The following HIVEP1 variants were observed in gnomAD, a reference collection of about 807,000 sequenced individuals.
HIVEP1 encodes the protein zinc finger protein 40.
A neutral mutation model predicts 180.0 loss-of-function variants in HIVEP1; 36 were observed. The observed-to-expected ratio is 0.20, with a 90% CI of 0.15 to 0.26. The LOEUF (loss-of-function observed/expected upper bound fraction) is 0.26, where lower values mean the gene tolerates loss of function less well. HIVEP1 is among the 10% of genes least tolerant of loss of function. The probability of loss-of-function intolerance (pLI) is 1.00; values close to 1 mark genes in which losing one functional copy is unlikely to be tolerated. For synonymous variants in HIVEP1, 1,239 were observed against 1,239.0 expected (o/e 1.00, Z 0.00); for missense variants, 3,143 against 3,268.7 (o/e 0.96, Z 0.94).
At chr6:12,015,353 G>A (rs928452617) in intron 1 of HIVEP1, among the ~76,000 whole-genome samples, 173 bp from the exon 2 acceptor site, 2 of 152,056 alleles carry the variant, frequency 1.3e-5, no homozygotes, top group Non-Finnish European at 2.9e-5. Flanking sequence ...GAGAAGTCCC[G>A]ATACTGACAA....
At chr6:12,011,334 C>G (rs1767285002), upstream of HIVEP1, among the ~76,000 whole-genome samples, 1 of 144,520 alleles carries the variant, frequency 6.9e-6, no homozygotes, top group African/African-American at 2.6e-5. Flanking sequence ...CCGGGAGACC[C>G]CATGACGTCA....
intron 2 of HIVEP1, among the ~76,000 whole-genome samples, chr6:12,055,054 G>C (rs191409630): frequency 2.0e-5 from 3 of 152,138 alleles, no homozygotes; most frequent in African/African-American, 7.2e-5. Flanking sequence ...CTGCCTAGTG[G>C]GAAAGTATAA....
At chr6:12,067,142 A>T (rs1294345783) in intron 2 of HIVEP1, among the ~76,000 whole-genome samples, 3 of 152,084 alleles carry the variant, frequency 2.0e-5, no homozygotes, top group Non-Finnish European at 4.4e-5. Flanking sequence ...AGTGTTAGGG[A>T]TAGGGTTAGG....
At chr6:12,167,637 A>AACATG (rs1760746073), downstream of HIVEP1, among the ~76,000 whole-genome samples, 3 of 15,848 alleles carry the variant, frequency 1.9e-4, no homozygotes, top group African/African-American at 3.0e-4. Flanking sequence ...CATGTTATAT[A>AACATG]TACATATACA....
At chr6:12,176,427 T>G in the HIVEP1 span, among the ~76,000 whole-genome samples, 1 of 152,042 alleles carries the variant, frequency 6.6e-6, no homozygotes, top group Non-Finnish European at 1.5e-5. Context: ...AGATGGAGTT[T>G]CACCATGTTG....
intron 7 of HIVEP1, among the ~76,000 whole-genome samples, chr6:12,143,324 A>G (rs900568204): frequency 6.6e-6 from 1 of 152,250 alleles, no homozygotes; most frequent in African/African-American, 2.4e-5. Context: ...GGCTTTCAAC[A>G]AAATTCAATA....
At chr6:12,145,035 A>T (rs944244003) in intron 7 of HIVEP1, among the ~76,000 whole-genome samples, 1 of 152,234 alleles carries the variant, frequency 6.6e-6, no homozygotes, top group Non-Finnish European at 1.5e-5. Context: ...TACCCAAAGG[A>T]TTATAAATCA....
At chr6:12,027,068 A>T (rs1410088444) in intron 2 of HIVEP1, among the ~76,000 whole-genome samples, 1 of 152,188 alleles carries the variant, frequency 6.6e-6, no homozygotes, top group African/African-American at 2.4e-5. Flanking sequence ...GGCTTCTTTC[A>T]TGCAACAGTG....
At chr6:12,020,488 G>A (rs1002545123) in intron 2 of HIVEP1, 7 of 469,812 alleles carry the variant, frequency 1.5e-5, no homozygotes, top group African/African-American at 1.2e-4. Context: ...TCTGTGGAGG[G>A]GTTATCTCCA....
intron 2 of HIVEP1, among the ~76,000 whole-genome samples, chr6:12,070,655 T>C (rs1400624869): frequency 6.6e-6 from 1 of 152,162 alleles, no homozygotes; most frequent in Admixed American, 6.5e-5. Flanking sequence ...ATTTAAAAAA[T>C]TTAGGATTCT....
chr6:12,107,247 C>G (rs1204113997), intron 3 of HIVEP1, among the ~76,000 whole-genome samples: 1 of 152,180 alleles, frequency 6.6e-6, no homozygotes, highest in Non-Finnish European at 1.5e-5. Flanking sequence ...TTACATTATA[C>G]TGTAATCCGT....
chr6:12,136,005 T>G (rs1758684326), intron 7 of HIVEP1, 113 bp downstream of exon 7: 1 of 596,424 alleles, frequency 1.7e-6, no homozygotes, highest in South Asian at 2.0e-5. Context: ...CATTACCTCT[T>G]ATTTATATGC....
chr6:12,211,026 C>T, the HIVEP1 span, among the ~76,000 whole-genome samples: 1 of 151,832 alleles, frequency 6.6e-6, no homozygotes, highest in African/African-American at 2.4e-5. Context: ...CTGAAGATTA[C>T]TAATGGAAAA....
intron 3 of HIVEP1, among the ~76,000 whole-genome samples, chr6:12,106,376 T>G (rs1202401007): frequency 6.6e-6 from 1 of 152,070 alleles, no homozygotes; most frequent in Non-Finnish European, 1.5e-5. Flanking sequence ...GGGGATGGTG[T>G]GTTTCTTTAT....
Position 12,097,080 on chromosome 6 carries a change from G to T in HIVEP1, c.94+7843G>T, listed in dbSNP as rs533239577. On this transcript the variant is annotated intron_variant, in intron 3 of 8. Coordinates refer to ENST00000379388, the MANE Select transcript of HIVEP1 (RefSeq NM_002114.4). ...TGGAATTCTGTATTTTAAATGGAAT[G>T]CAGTTTTATTATTTTAATATTATAT... Among the ~76,000 whole-genome samples the T allele has an allele frequency of 1.0e-3, 159 of 152,050 alleles. 2 individuals carry two copies. Among genetic ancestry groups the T allele is most frequent in the Non-Finnish European group, 1.9e-3 (131 of 67,894 alleles).
rs769284491 is a variant in HIVEP1 at position 12,122,830 on chromosome 6, A to T, written c.3035A>T (p.His1012Leu). The T allele has an allele frequency of 6.2e-7, 1 of 1,614,090 alleles. No homozygotes were observed. Among genetic ancestry groups the T allele is most frequent in the Non-Finnish European group, 8.5e-7 (1 of 1,180,012 alleles). Reference protein sequence around the residue: ...VPGGLQPQILHYRVAGSSGIW... With the variant: ...VPGGLQPQILLYRVAGSSGIW... Reference sequence around the variant, plus strand: ...GGCGGTCTGCAGCCTCAGATTCTACACTACAGAGTCGCTGGGTCCTCCGGC... The same window carrying T: ...GGCGGTCTGCAGCCTCAGATTCTACTCTACAGAGTCGCTGGGTCCTCCGGC... The change falls in exon 4 of 9, where the codon CAC (histidine) becomes CTC (leucine). Residue 1012 changes from histidine (H) to leucine (L), a missense_variant. His to Leu is a moderately conservative substitution (Grantham distance 99). Transcript: ENST00000379388.
chr6:12,012,150 C>G (rs1367312745), upstream of HIVEP1: 2 of 144,916 alleles, frequency 1.4e-5, no homozygotes, highest in African/African-American at 2.5e-5. Context: ...CCCGGCTGCC[C>G]GGCTCCCTGG....
chr6:12,030,749 T>A (rs1407670912), intron 2 of HIVEP1, among the ~76,000 whole-genome samples: 1 of 152,226 alleles, frequency 6.6e-6, no homozygotes, highest in African/African-American at 2.4e-5. Context: ...TGAAATCTCA[T>A]CCTATTAAAT....
intron 7 of HIVEP1, among the ~76,000 whole-genome samples, chr6:12,149,511 A>G (rs879896431): frequency 2.6e-5 from 4 of 152,190 alleles, no homozygotes; most frequent in Non-Finnish European, 5.9e-5. Flanking sequence ...CAGTGTTACT[A>G]CAAAGCACCC....
Sources: gnomAD v4.1 joint callset for allele counts (sites outside exome capture counted in the v4.1 genomes callset) on GRCh38, gnomAD v4.1.1 for gene constraint, MANE v1.5 for transcripts, NCBI Gene and HGNC (gene_info 2026-07-23, HGNC 2026-07-21) for gene names.